Variants in PHLPP1 observed in about 807,000 individuals in gnomAD.
PHLPP1 encodes the protein PH domain and leucine rich repeat protein phosphatase 1.
Under a neutral mutation model 117.2 loss-of-function variants are expected in PHLPP1, and 42 were observed. That is an observed-to-expected ratio of 0.36 (90% CI 0.28 to 0.46). The LOEUF is 0.46. Ranked by LOEUF, PHLPP1 falls within the 20% of genes least tolerant of loss-of-function variation. PHLPP1 has a pLI of 1.00. For missense variants in PHLPP1, 2,084 were observed against 2,241.9 expected (o/e 0.93, Z 1.42); for synonymous variants, 1,042 against 970.7 (o/e 1.07, Z -1.37).
chr18:62,716,148 C>G lies in PHLPP1; in HGVS notation c.465C>G (p.Ala155=), dbSNP rs1486318837. ...AAAASHSPGA[A]GLPASCSASA... ...CTGCCTCGCACTCCCCCGGCGCTGCCGGCCTCCCCGCCTCCTGCTCGGCCT... is the reference window on the plus strand; with the variant it reads ...CTGCCTCGCACTCCCCCGGCGCTGCGGGCCTCCCCGCCTCCTGCTCGGCCT... The change falls in exon 1 of 17, where the codon GCC becomes GCG. Residue 155 remains alanine, a synonymous_variant. Coordinates refer to ENST00000262719, the MANE Select transcript of PHLPP1 (RefSeq NM_194449.4). The surrounding 1 kb of genome is among the most constrained non-coding windows in gnomAD (Gnocchi z 5.7). 1 of 1,518,106 alleles carries G rather than the reference C, an allele frequency of 6.6e-7. No homozygotes were observed. The highest frequency in any genetic ancestry group is 1.7e-4 in the Middle Eastern group (1 of 5,764). The allele number at this position is 1,518,106 out of a possible 1,614,324, so 94.0% of individuals were successfully genotyped here. A position where few individuals can be genotyped will look rare whatever the true frequency, so the allele number is the denominator to read the frequency against.
Position 62,715,787 on chromosome 18 carries a change from C to CAGCAGG in PHLPP1, c.104_105insAGCAGG (p.Ala36_Ala37insGlyAla). The CAGCAGG allele has an allele frequency of 1.4e-6, 1 of 732,702 alleles. No homozygotes were observed. Among genetic ancestry groups the CAGCAGG allele is most frequent in the Non-Finnish European group, 1.7e-6 (1 of 599,118 alleles). The allele number at this position is 732,702 out of a possible 1,614,324, so 45.4% of individuals were successfully genotyped here. On this transcript the variant is annotated inframe_insertion, in exon 1 of 17. Transcript: ENST00000262719. Reference sequence around the variant, plus strand: ...GCCGCTGCGGCAGCAGCAGCAGCAGCGGCGGCCGCGGCGGCTCTGGCGGCG... The same window carrying CAGCAGG: ...GCCGCTGCGGCAGCAGCAGCAGCAGCAGCAGGGGCGGCCGCGGCGGCTCTGGCGGCG...
At chr18:62,866,883 C>T (rs1185610200) in intron 4 of PHLPP1, among the ~76,000 whole-genome samples, 1 of 152,156 alleles carries the variant, frequency 6.6e-6, no homozygotes, top group Non-Finnish European at 1.5e-5. Context: ...CACACACCCT[C>T]TCTCCCCAGC....
chr18:62,724,771 A>G (rs866705863), intron 1 of PHLPP1, among the ~76,000 whole-genome samples: 5 of 152,334 alleles, frequency 3.3e-5, no homozygotes, highest in Middle Eastern at 3.4e-3. Flanking sequence ...GGGGTTGCAT[A>G]TCACTTTGAC....
At chr18:62,870,575 T>C (rs2144372003) in intron 4 of PHLPP1, among the ~76,000 whole-genome samples, 1 of 152,332 alleles carries the variant, frequency 6.6e-6, no homozygotes, top group East Asian at 1.9e-4. Flanking sequence ...CGTTTTTACC[T>C]AAGTTTCAAG....
chr18:62,815,043 G>T (rs1914226521), intron 1 of PHLPP1, among the ~76,000 whole-genome samples: 1 of 152,130 alleles, frequency 6.6e-6, no homozygotes, highest in Non-Finnish European at 1.5e-5. Context: ...GGAGTTTCAG[G>T]AGTGGCTTAG....
intron 13 of PHLPP1, 40 bp from the exon 14 acceptor site, chr18:62,963,328 G>T (rs1910818313): frequency 1.4e-6 from 2 of 1,401,188 alleles, no homozygotes; most frequent in Non-Finnish European, 1.0e-6. Flanking sequence ...CACACATTTG[G>T]TTTTAATGAT....
chr18:62,971,851 A>G (rs946532207), intron 14 of PHLPP1, among the ~76,000 whole-genome samples: 1 of 152,134 alleles, frequency 6.6e-6, no homozygotes, highest in Non-Finnish European at 1.5e-5. Flanking sequence ...AGCCTGGCCA[A>G]CATGGTGAAA....
At chr18:62,913,869 G>C (rs1260980225) in intron 8 of PHLPP1, among the ~76,000 whole-genome samples, 3 of 150,876 alleles carry the variant, frequency 2.0e-5, no homozygotes, top group African/African-American at 4.9e-5. Context: ...TCAGCCTCCT[G>C]AGTAGCTGGG....
intron 1 of PHLPP1, among the ~76,000 whole-genome samples, chr18:62,727,043 C>A (rs546586330): frequency 2.6e-5 from 4 of 151,414 alleles, no homozygotes; most frequent in Admixed American, 6.6e-5. Flanking sequence ...ACCTGACCAA[C>A]ATGGTGAAAC....
intron 1 of PHLPP1, among the ~76,000 whole-genome samples, chr18:62,793,659 G>T: frequency 6.6e-6 from 1 of 152,224 alleles, no homozygotes; most frequent in Non-Finnish European, 1.5e-5. Context: ...TGATTTAAGT[G>T]CTAGTTTTAT....
chr18:62,721,013 G>T (rs944158848), intron 1 of PHLPP1, among the ~76,000 whole-genome samples: 8 of 152,062 alleles, frequency 5.3e-5, no homozygotes, highest in Admixed American at 2.0e-4. Flanking sequence ...ATTTTATTTT[G>T]CAATTCGTAT....
chr18:62,881,357 T>C (rs2144384440), intron 4 of PHLPP1, among the ~76,000 whole-genome samples: 1 of 152,362 alleles, frequency 6.6e-6, no homozygotes, highest in Middle Eastern at 3.4e-3. Context: ...ACACTGAGAA[T>C]TCTTTATTTC....
intron 4 of PHLPP1, among the ~76,000 whole-genome samples, chr18:62,888,360 A>C (rs1916336766): frequency 6.9e-6 from 1 of 145,882 alleles, no homozygotes; most frequent in Non-Finnish European, 1.5e-5. Flanking sequence ...TTTTAAAACC[A>C]GTCAATTTTA....
At chr18:62,924,830 C>A (rs534504677) in intron 10 of PHLPP1, among the ~76,000 whole-genome samples, 1 of 148,930 alleles carries the variant, frequency 6.7e-6, no homozygotes, top group South Asian at 2.3e-4. Context: ...CAGAGTGTGA[C>A]CGTGTCTCAA....
At chr18:62,751,211 T>C (rs1694465077) in intron 1 of PHLPP1, among the ~76,000 whole-genome samples, 1 of 152,222 alleles carries the variant, frequency 6.6e-6, no homozygotes, top group Non-Finnish European at 1.5e-5. Context: ...TCTGGAAACA[T>C]TTCCTAGTAT....
chr18:62,881,455 T>C (rs78649051), intron 4 of PHLPP1, among the ~76,000 whole-genome samples: 1 of 152,222 alleles, frequency 6.6e-6, no homozygotes, highest in African/African-American at 2.4e-5. Flanking sequence ...TTAAAAAAAT[T>C]ATAAAATTCT....
chr18:62,774,345 A>G (rs937917652), intron 1 of PHLPP1, among the ~76,000 whole-genome samples: 2 of 152,220 alleles, frequency 1.3e-5, no homozygotes, highest in African/African-American at 4.8e-5. Flanking sequence ...GACTGAAGTC[A>G]GATCAGCTTC....
At position 62,958,734 on chromosome 18, in the gene PHLPP1, G is replaced by A; in HGVS notation, c.3430G>A (p.Asp1144Asn). 1 of 1,613,976 alleles carries A rather than the reference G, an allele frequency of 6.2e-7. No homozygotes were observed. The highest frequency in any genetic ancestry group is 1.1e-5 in the South Asian group (1 of 91,080). ...GACTGGAAACCCGCGCCTTGTCCTT[G>A]ATCACAAAACCCTGGAACTACTGAA... is the stretch of plus-strand genomic sequence containing the variant. The part of the protein sequence containing the change: ...DLTGNPRLVL[D>N]HKTLELLNNI... Residue 1144 changes from aspartate to asparagine, a missense_variant, in exon 13 of 17, where the codon GAT (aspartate) becomes AAT (asparagine). This residue lies in a region of PHLPP1 where 1,365 missense variants were observed against 1,605.9 expected (regional missense o/e 0.85). Transcript: ENST00000262719.
rs545782141 is a variant in PHLPP1, at chr18:62,935,733, A to G, written c.2961-5985A>G. Among the ~76,000 whole-genome samples the G allele has an allele frequency of 2.0e-4, 30 of 152,236 alleles. 1 individual carries two copies. The Middle Eastern group carries it at 0.01, about 52-fold the overall frequency. On this transcript the variant is annotated intron_variant, in intron 10 of 16. Coordinates refer to ENST00000262719, the MANE Select transcript of PHLPP1 (RefSeq NM_194449.4). ...AGACCTTGGTTTTTGGCCGGGTGCCATGGCTCCTGCCTGTAATCCCAGCAC... is the reference window on the plus strand; with the variant it reads ...AGACCTTGGTTTTTGGCCGGGTGCCGTGGCTCCTGCCTGTAATCCCAGCAC...
Sources: allele counts gnomAD v4.1 joint callset (sites outside exome capture counted in the v4.1 genomes callset), GRCh38; gene constraint gnomAD v4.1.1; regional missense constraint gnomAD v4.1.1; non-coding constraint Gnocchi (gnomAD v3.1); transcripts MANE v1.5; gene names NCBI Gene and HGNC (gene_info 2026-07-23, HGNC 2026-07-21).